The following MORF4L1 variants were observed in gnomAD, a reference collection of about 807,000 sequenced individuals.
The protein encoded by MORF4L1 is mortality factor 4 like 1.
MORF4L1 carries 4 observed loss-of-function variants against 52.9 expected under a neutral mutation model. The ratio of observed to expected loss-of-function variants is 0.08; its 90% CI spans 0.04 to 0.17. The LOEUF (loss-of-function observed/expected upper bound fraction) is 0.17, where lower values mean the gene tolerates loss of function less well. Ranked by LOEUF, MORF4L1 falls within the 10% of genes least tolerant of loss-of-function variation. MORF4L1 has a pLI of 1.00. For missense variants in MORF4L1, 214 were observed against 390.4 expected (o/e 0.55, Z 3.81); for synonymous variants, 123 against 134.8 (o/e 0.91, Z 0.61).
At chr15:78,876,232 G>C (rs139765896) in intron 1 of MORF4L1, among the ~76,000 whole-genome samples, 2,236 of 151,892 alleles carry the variant, frequency 0.015, 32 homozygotes, top group Middle Eastern at 0.082. Flanking sequence ...CACCGCGCCC[G>C]GCCGAGAAAT....
chr15:78,874,441 C>A (rs954951113), intron 1 of MORF4L1, among the ~76,000 whole-genome samples: 1 of 152,114 alleles, frequency 6.6e-6, no homozygotes, highest in Non-Finnish European at 1.5e-5. Context: ...GACGCTATCT[C>A]GGCTCACCTC....
At chr15:78,893,328 C>T (rs963351796) in intron 8 of MORF4L1, among the ~76,000 whole-genome samples, 1 of 152,154 alleles carries the variant, frequency 6.6e-6, no homozygotes, top group African/African-American at 2.4e-5. Context: ...ATAAACCCAG[C>T]AGAGAGTTGG....
intron 5 of MORF4L1, among the ~76,000 whole-genome samples, chr15:78,889,121 A>G (rs557764469): frequency 1.3e-5 from 2 of 152,252 alleles, no homozygotes; most frequent in African/African-American, 4.8e-5. Flanking sequence ...CACTACAAAA[A>G]TAATGGCTGA....
intron 8 of MORF4L1, chr15:78,893,072 G>C (rs896505790): frequency 6.5e-5 from 10 of 152,986 alleles, no homozygotes; most frequent in African/African-American, 2.4e-4. Flanking sequence ...TGGAATAATA[G>C]TTTGTATTTG....
At chr15:78,878,876 C>T (rs562331020) in intron 2 of MORF4L1, among the ~76,000 whole-genome samples, 3 of 152,058 alleles carry the variant, frequency 2.0e-5, no homozygotes, top group South Asian at 4.1e-4. Flanking sequence ...CTTAAACAGT[C>T]GTAGCTCCAA....
intron 11 of MORF4L1, among the ~76,000 whole-genome samples, chr15:78,896,308 C>CTTTTTTTTTTTTTTTTTTTTTTTTTTTTT (rs71148578): frequency 1.2e-5 from 1 of 81,450 alleles, no homozygotes; most frequent in Non-Finnish European, 2.3e-5. Context: ...CTTTTCTTTT[C>CTTTTTTTTTTTTTTTTTTTTTTTTTTTTT]TTTTTTTTTT....
intron 5 of MORF4L1, 161 bp from the exon 6 acceptor site, chr15:78,890,828 A>C (rs977735937): frequency 2.0e-5 from 12 of 604,780 alleles, no homozygotes; most frequent in Non-Finnish European, 2.6e-5. Context: ...AATTTAACCA[A>C]CTATCAATAA....
At chr15:78,878,728 AG>A (rs1339337117) in intron 2 of MORF4L1, among the ~76,000 whole-genome samples, 1 of 152,224 alleles carries the variant, frequency 6.6e-6, no homozygotes, top group African/African-American at 2.4e-5. Context: ...CCTTTGTATC[AG>A]GGTGTGCTCA....
At chr15:78,880,777 A>G (rs2056587037) in intron 3 of MORF4L1, among the ~76,000 whole-genome samples, 198 bp downstream of exon 3, 1 of 151,974 alleles carries the variant, frequency 6.6e-6, no homozygotes, top group Admixed American at 6.6e-5. Context: ...ATATACTTGG[A>G]TCTTGGGAAT....
At chr15:78,873,200 A>G in intron 1 of MORF4L1, 143 bp downstream of exon 1, 1 of 1,516,494 alleles carries the variant, frequency 6.6e-7, no homozygotes, top group Non-Finnish European at 8.8e-7. Context: ...GGGAAAGCGC[A>G]TTGCGGATGG....
intron 3 of MORF4L1, among the ~76,000 whole-genome samples, chr15:78,883,075 TGTG>T (rs1175297859): frequency 1.3e-5 from 2 of 151,788 alleles, no homozygotes; most frequent in African/African-American, 4.8e-5. Context: ...ATTAGCCAGG[TGTG>T]GTGGCACACG....
chr15:78,893,796 G>C (rs1270355008), intron 9 of MORF4L1, among the ~76,000 whole-genome samples, 169 bp downstream of exon 9: 2 of 152,104 alleles, frequency 1.3e-5, no homozygotes, highest in African/African-American at 2.4e-5. Flanking sequence ...TTCTTAAAGG[G>C]CCAGATAGTA....
At chr15:78,881,102 T>C (rs1471053332) in intron 3 of MORF4L1, among the ~76,000 whole-genome samples, 1 of 151,560 alleles carries the variant, frequency 6.6e-6, no homozygotes, top group Non-Finnish European at 1.5e-5. Context: ...TGACCGAAAA[T>C]GACTTCATGT....
intron 11 of MORF4L1, 88 bp downstream of exon 11, chr15:78,894,992 C>T: frequency 9.4e-7 from 1 of 1,060,402 alleles, no homozygotes; most frequent in Non-Finnish European, 1.5e-6. Context: ...AAACATTAAA[C>T]ATTATATTGG....
At chr15:78,896,315 T>TTTC (rs2056888386) in intron 11 of MORF4L1, among the ~76,000 whole-genome samples, 1 of 137,012 alleles carries the variant, frequency 7.3e-6, no homozygotes, top group Admixed American at 7.4e-5. Flanking sequence ...TTTCTTTTTT[T>TTTC]TTTTTTTTTT....
intron 3 of MORF4L1, chr15:78,885,030 T>C: frequency 3.7e-6 from 6 of 1,614,126 alleles, no homozygotes; most frequent in Non-Finnish European, 5.1e-6. Flanking sequence ...TTGTAGCCCT[T>C]TTTCCTGTTC....
intron 5 of MORF4L1, among the ~76,000 whole-genome samples, chr15:78,889,438 T>C (rs938724195): frequency 2.0e-5 from 3 of 152,236 alleles, no homozygotes; most frequent in African/African-American, 7.2e-5. Flanking sequence ...AATGTCATGT[T>C]GGCTCAGAAA....
chr15:78,887,433 G>A, intron 5 of MORF4L1, 84 bp downstream of exon 5: 1 of 1,164,736 alleles, frequency 8.6e-7, no homozygotes, highest in South Asian at 1.7e-5. Flanking sequence ...GTGTTGAAGT[G>A]GAAACTTTGG....
intron 4 of MORF4L1, chr15:78,886,520 T>G: frequency 6.9e-6 from 2 of 288,418 alleles, no homozygotes; most frequent in Non-Finnish European, 1.3e-5. Flanking sequence ...TTTCGGGGGC[T>G]CTGGAAGACA....
Sources: gnomAD v4.1 joint callset for allele counts (sites outside exome capture counted in the v4.1 genomes callset) on GRCh38, gnomAD v4.1.1 for gene constraint, MANE v1.5 for transcripts, NCBI Gene and HGNC (gene_info 2026-07-23, HGNC 2026-07-21) for gene names.